The following IQSEC1 variants were observed in gnomAD, a reference collection of about 807,000 sequenced individuals.
IQSEC1 encodes the protein IQ motif and Sec7 domain ArfGEF 1.
A neutral mutation model predicts 91.0 loss-of-function variants in IQSEC1; 31 were observed. That is an observed-to-expected ratio of 0.34 (90% CI 0.26 to 0.46). IQSEC1 has a LOEUF of 0.46. Among genes scored for constraint, IQSEC1 ranks in the 20% least tolerant of loss-of-function variants. The pLI is 1.00. For missense variants in IQSEC1, 1,388 were observed against 1,575.6 expected (o/e 0.88, Z 2.02); for synonymous variants, 699 against 662.6 (o/e 1.05, Z -0.84).
chr3:12,899,521 C>CT lies in IQSEC1; in HGVS notation c.*1461_*1462insA. On this transcript the variant is annotated 3_prime_UTR_variant, in exon 14 of 14. Coordinates refer to ENST00000613206, the MANE Select transcript of IQSEC1 (RefSeq NM_001134382.3). The stretch of plus-strand genomic sequence containing the variant: ...GGGAGCGCATGGTGTCACCACAACA[C>CT]AGAAGCGACAAGAGCACAGCTGAGA... 6.5e-7 allele frequency: 1 copy of CT among 1,541,110 alleles called. No individual in the cohort carries two copies. Among genetic ancestry groups the CT allele is most frequent in the Non-Finnish European group, 8.8e-7 (1 of 1,137,676 alleles).
intron 2 of IQSEC1, among the ~76,000 whole-genome samples, chr3:13,121,235 C>T (rs1490761407): frequency 2.6e-5 from 4 of 152,234 alleles, no homozygotes; most frequent in African/African-American, 9.6e-5. Context: ...CGACAGGACC[C>T]CATGGCCCAC....
intron 1 of IQSEC1, among the ~76,000 whole-genome samples, chr3:12,962,273 C>T (rs181043700): frequency 2.0e-3 from 303 of 152,294 alleles, no homozygotes; most frequent in African/African-American, 6.8e-3. Flanking sequence ...TATGAGACAC[C>T]GTTTAATTGC....
chr3:12,902,679 A>AAAAAAAAAAAAAAAAAAAAAG, intron 13 of IQSEC1, 94 bp downstream of exon 13: 1 of 616,778 alleles, frequency 1.6e-6, no homozygotes, highest in Non-Finnish European at 2.7e-6. Context: ...CCAAAAAAAA[A>AAAAAAAAAAAAAAAAAAAAAG]AAAAAAAAAA....
At chr3:13,157,870 G>C (rs1707109009) in intron 2 of IQSEC1, among the ~76,000 whole-genome samples, 1 of 152,198 alleles carries the variant, frequency 6.6e-6, no homozygotes, top group Non-Finnish European at 1.5e-5. Context: ...TTGGTCCATG[G>C]CCTTGAGGCT....
intron 12 of IQSEC1, among the ~76,000 whole-genome samples, chr3:12,903,658 C>T (rs1694632843): frequency 1.3e-5 from 2 of 152,152 alleles, no homozygotes; most frequent in Admixed American, 1.3e-4. Context: ...CCGGCCTGGC[C>T]CCGCCCAGCC....
intron 2 of IQSEC1, among the ~76,000 whole-genome samples, chr3:13,129,662 T>A (rs1312694865): frequency 1.3e-5 from 2 of 148,646 alleles, no homozygotes; most frequent in East Asian, 3.9e-4. Flanking sequence ...TGAATTTTTT[T>A]TTTTTTTTTT....
At chr3:13,107,417 G>C (rs1337018984) in intron 2 of IQSEC1, among the ~76,000 whole-genome samples, 1 of 152,266 alleles carries the variant, frequency 6.6e-6, no homozygotes, top group Non-Finnish European at 1.5e-5. Flanking sequence ...CGCAGTGTTA[G>C]ATGCTTCCGA....
chr3:13,156,961 G>A (rs940794263), intron 2 of IQSEC1, among the ~76,000 whole-genome samples: 2 of 152,150 alleles, frequency 1.3e-5, no homozygotes, highest in African/African-American at 4.8e-5. Context: ...AGTCAGATGT[G>A]GACAAGATCA....
rs867570429 is a variant in IQSEC1 at position 12,901,202 on chromosome 3, A to G, written c.3126T>C (p.His1042=). 81 of 1,542,406 alleles carry G rather than the reference A, an allele frequency of 5.3e-5. No individual in the cohort carries two copies. In the Middle Eastern group the frequency reaches 1.2e-3, roughly 23 times the overall value. ...CHMQNPPPYH[H]HHHHHPPQHI... ...GCTGGGGTGGGTGGTGGTGGTGGTG[A>G]TGGTGGTACGGGGGAGGGTTCTGCA... is the stretch of plus-strand genomic sequence containing the variant. The change falls in exon 14 of 14, where the codon CAT becomes CAC. Residue 1042 remains histidine, a synonymous_variant. Coordinates refer to ENST00000613206, the MANE Select transcript of IQSEC1 (RefSeq NM_001134382.3).
At position 12,899,587 on chromosome 3, in the gene IQSEC1, C is replaced by T. The variant is rs1230323164; in HGVS notation, c.*1396G>A. The T allele has an allele frequency of 1.0e-6, 1 of 985,320 alleles. No individual in the cohort carries two copies. Among genetic ancestry groups the T allele is most frequent in the African/African-American group, 1.7e-5 (1 of 57,242 alleles). 61.0% of individuals were successfully genotyped at this position (985,320 alleles called of 1,614,324 possible). ...GGCAGCTCACTGGACCATGGGAAGG[C>T]AGCGGGGGCTCCGCCGGGCACTCGT... On this transcript the variant is annotated 3_prime_UTR_variant, in exon 14 of 14. Coordinates refer to ENST00000613206, the MANE Select transcript of IQSEC1 (RefSeq NM_001134382.3).
intron 1 of IQSEC1, among the ~76,000 whole-genome samples, chr3:13,166,937 C>T (rs1693507940): frequency 6.6e-6 from 1 of 152,250 alleles, no homozygotes; most frequent in Admixed American, 6.5e-5. Context: ...ATCGCCCGTC[C>T]TATGGCCGAA....
At chr3:12,903,196 G>C (rs1432794523) in intron 12 of IQSEC1, among the ~76,000 whole-genome samples, 2 of 152,222 alleles carry the variant, frequency 1.3e-5, no homozygotes, top group East Asian at 1.9e-4. Context: ...CGGGTGAATG[G>C]GGAGGGGTGA....
intron 1 of IQSEC1, among the ~76,000 whole-genome samples, chr3:12,991,613 T>C (rs1701994306): frequency 6.6e-6 from 1 of 152,208 alleles, no homozygotes; most frequent in Non-Finnish European, 1.5e-5. Context: ...TCAGACTCCC[T>C]GACCAGCACA....
At position 13,071,164 on chromosome 3, in the gene IQSEC1, T is replaced by G. The variant is rs796722122; in HGVS notation, c.23+1828A>C. ...CACAGTTTTTTTTTGTTTTTTTTTTTTTGTTTGTTTCTTTAACTGCTCCTC... is the reference window on the plus strand; with the variant it reads ...CACAGTTTTTTTTTGTTTTTTTTTTGTTGTTTGTTTCTTTAACTGCTCCTC... On this transcript the variant is annotated intron_variant, in intron 1 of 13. Coordinates refer to ENST00000613206, the MANE Select transcript of IQSEC1 (RefSeq NM_001134382.3). 4.0e-4 allele frequency among the ~76,000 whole-genome samples: 56 copies of G among 140,224 alleles called. 3 individuals are homozygous for G. Among genetic ancestry groups the G allele is most frequent in the African/African-American group, 1.3e-3 (50 of 37,470 alleles). The allele number at this position is 140,224 out of a possible 152,430, so 92.0% of individuals were successfully genotyped here. A position where few individuals can be genotyped will look rare whatever the true frequency, so the allele number is the denominator to read the frequency against.
intron 1 of IQSEC1, among the ~76,000 whole-genome samples, chr3:13,234,363 A>G (rs1477987244): frequency 2.1e-5 from 3 of 141,968 alleles, no homozygotes; most frequent in Non-Finnish European, 4.6e-5. Flanking sequence ...TATGGGTGTG[A>G]GCACCATGTC....
In IQSEC1 at chr3:13,122,609, C is replaced by G. The variant is rs568129956; in HGVS notation, c.302+41495G>C. On this transcript the variant is annotated intron_variant, in intron 2 of 15. Transcript: ENST00000648114. ...GGGCAGTGTGTGGCTCACATGCCACCAAGTCCTGCAGACCTTGCCTGATGT... is the reference window on the plus strand; with the variant it reads ...GGGCAGTGTGTGGCTCACATGCCACGAAGTCCTGCAGACCTTGCCTGATGT... Among the ~76,000 whole-genome samples the G allele has an allele frequency of 2.6e-5, 4 of 152,272 alleles. No homozygotes were observed. In the South Asian group the frequency reaches 8.3e-4, roughly 32 times the overall value.
intron 1 of IQSEC1, among the ~76,000 whole-genome samples, chr3:13,199,129 G>A (rs1002051653): frequency 1.4e-4 from 22 of 152,292 alleles, no homozygotes; most frequent in Admixed American, 4.6e-4. Flanking sequence ...TGGGGCAGGC[G>A]ACACAACATG....
chr3:12,901,202 A>ATGGTGG lies in IQSEC1; in HGVS notation c.3120_3125dup (p.His1046_His1047dup). On this transcript the variant is annotated inframe_insertion, in exon 14 of 14. Coordinates refer to ENST00000613206, the MANE Select transcript of IQSEC1 (RefSeq NM_001134382.3). The stretch of plus-strand genomic sequence containing the variant: ...GCTGGGGTGGGTGGTGGTGGTGGTG[A>ATGGTGG]TGGTGGTACGGGGGAGGGTTCTGCA... 1.3e-6 allele frequency: 2 copies of ATGGTGG among 1,542,412 alleles called. No homozygotes were observed. Among genetic ancestry groups the ATGGTGG allele is most frequent in the East Asian group, 2.5e-5 (1 of 40,816 alleles).
intron 1 of IQSEC1, among the ~76,000 whole-genome samples, chr3:13,036,169 A>G (rs754069032): frequency 1.6e-4 from 24 of 152,218 alleles, no homozygotes; most frequent in Non-Finnish European, 2.8e-4. Flanking sequence ...CCGTCATAAC[A>G]ACCGCGACAG....
Sources: gnomAD v4.1 joint callset for allele counts (sites outside exome capture counted in the v4.1 genomes callset) on GRCh38, gnomAD v4.1.1 for gene constraint, MANE v1.5 for transcripts, NCBI Gene and HGNC (gene_info 2026-07-23, HGNC 2026-07-21) for gene names.